The following TAF8 variants were observed in gnomAD, a reference collection of about 807,000 sequenced individuals.
TAF8 encodes TATA-box binding protein associated factor 8.
Under a neutral mutation model 36.5 loss-of-function variants are expected in TAF8, and 47 were observed. The observed-to-expected ratio is 1.29, with a 90% confidence interval of 1.02 to 1.64. TAF8 has a LOEUF of 1.64. Among genes scored for constraint, TAF8 ranks in the 40% most tolerant of loss-of-function variants. TAF8 has a pLI of 0.00. For synonymous variants in TAF8, 175 were observed against 159.5 expected (o/e 1.10, Z -0.73); for missense variants, 420 against 407.6 (o/e 1.03, Z -0.26).
intron 4 of TAF8, among the ~76,000 whole-genome samples, chr6:42,056,826 G>T (rs1287904181): frequency 6.6e-6 from 1 of 152,116 alleles, no homozygotes; most frequent in Non-Finnish European, 1.5e-5. Context: ...AGCTGGTCTC[G>T]AACTCCTGAC....
intron 5 of TAF8, among the ~76,000 whole-genome samples, chr6:42,065,527 C>A (rs557522140): frequency 1.3e-5 from 2 of 152,228 alleles, no homozygotes; most frequent in Admixed American, 6.5e-5. Flanking sequence ...TTGAGGGAAT[C>A]TTTTTGGAAC....
At chr6:42,075,196 G>A (rs1765701659) in intron 7 of TAF8, among the ~76,000 whole-genome samples, 1 of 152,170 alleles carries the variant, frequency 6.6e-6, no homozygotes, top group Non-Finnish European at 1.5e-5. Flanking sequence ...ACTTCAGAAA[G>A]GTTGGATGCC....
At chr6:42,051,005 G>A in intron 1 of TAF8, 2 of 1,086,036 alleles carry the variant, frequency 1.8e-6, no homozygotes, top group South Asian at 3.5e-5. Flanking sequence ...GTGTGAAGAT[G>A]GGAGGCACAA....
intron 7 of TAF8, among the ~76,000 whole-genome samples, chr6:42,072,959 G>A (rs889172350): frequency 1.3e-5 from 2 of 151,932 alleles, no homozygotes; most frequent in South Asian, 2.1e-4. Context: ...TCCCGACCTC[G>A]TGATCCGCCC....
intron 5 of TAF8, 89 bp downstream of exon 5, chr6:42,057,602 C>A: frequency 6.5e-7 from 1 of 1,536,938 alleles, no homozygotes; most frequent in South Asian, 1.2e-5. Flanking sequence ...AGTCCAAAAG[C>A]TTGTTGATGA....
At position 42,080,073 on chromosome 6, in the gene TAF8, A is replaced by G. The variant is rs771732090; in HGVS notation, c.*2528A>G. 2 of 985,282 alleles carry G rather than the reference A, an allele frequency of 2.0e-6. No individual in the cohort carries two copies. The allele number at this position is 985,282 out of a possible 1,614,324, so 61.0% of individuals were successfully genotyped here. Reference sequence around the variant, plus strand: ...TTGTAGTAACGTGAAACTCTCCTAGATCGAAGCAGTTAGACTGGCCTATGT... The same window carrying G: ...TTGTAGTAACGTGAAACTCTCCTAGGTCGAAGCAGTTAGACTGGCCTATGT... On this transcript the variant is annotated 3_prime_UTR_variant, in exon 9 of 9. Transcript: ENST00000372977.
intron 2 of TAF8, among the ~76,000 whole-genome samples, chr6:42,053,575 A>G (rs948184276): frequency 7.7e-4 from 114 of 147,286 alleles, no homozygotes; most frequent in Non-Finnish European, 1.4e-3. Context: ...CAAAAAAAAA[A>G]AAAGAAAAAA....
At chr6:42,054,603 T>C (rs1764910161) in intron 2 of TAF8, among the ~76,000 whole-genome samples, 1 of 152,194 alleles carries the variant, frequency 6.6e-6, no homozygotes, top group Non-Finnish European at 1.5e-5. Flanking sequence ...GCATAATGTT[T>C]TCTTTTTTCT....
At chr6:42,058,220 C>G (rs979624920) in intron 5 of TAF8, among the ~76,000 whole-genome samples, 43 of 152,134 alleles carry the variant, frequency 2.8e-4, no homozygotes, top group African/African-American at 1.0e-3. Flanking sequence ...CCCATCTCTA[C>G]TAAAATTACA....
In TAF8 at chr6:42,080,990, C is replaced by T. The variant is rs905967276; in HGVS notation, c.*3445C>T. On this transcript the variant is annotated 3_prime_UTR_variant, in exon 9 of 9. Transcript: ENST00000372977. ...AGTCAGGCTTAGCCCTTGTGTTGGC[C>T]TAAGCACACCTGGGAACTTAGTAAA... 9.1e-6 allele frequency: 9 copies of T among 984,726 alleles called. No individual in the cohort carries two copies. The highest frequency in any genetic ancestry group is 1.2e-4 in the Admixed American group (2 of 16,286). 61.0% of individuals were successfully genotyped at this position (984,726 alleles called of 1,614,324 possible).
At chr6:42,056,514 CTACTT>C (rs1275337237) in intron 4 of TAF8, among the ~76,000 whole-genome samples, 1 of 152,192 alleles carries the variant, frequency 6.6e-6, no homozygotes, top group African/African-American at 2.4e-5. Flanking sequence ...TTGATGACCT[CTACTT>C]TAAGTAAACC....
rs1168484222 is a variant in TAF8 at position 42,082,055 on chromosome 6, T to A, written c.*4510T>A. On this transcript the variant is annotated 3_prime_UTR_variant, in exon 9 of 9. Transcript: ENST00000372977. Reference sequence around the variant, plus strand: ...CAGTTTCAGTGTACAATGTAGATGGTATATTAGTACAATGCATAGAGCTTA... The same window carrying A: ...CAGTTTCAGTGTACAATGTAGATGGAATATTAGTACAATGCATAGAGCTTA... The A allele has an allele frequency of 1.3e-5, 2 of 152,192 alleles. No homozygotes were observed. Among genetic ancestry groups the A allele is most frequent in the African/African-American group, 2.4e-5 (1 of 41,446 alleles). The allele number at this position is 152,192 out of a possible 1,614,324, so 9.4% of individuals were successfully genotyped here. A position where few individuals can be genotyped will look rare whatever the true frequency, so the allele number is the denominator to read the frequency against.
In TAF8 at chr6:42,051,514, G is replaced by C. The variant is rs1330870258; in HGVS notation, c.202+1G>C. On this transcript the variant is annotated splice_donor_variant, in intron 2 of 8. Coordinates refer to ENST00000372977, the MANE Select transcript of TAF8 (RefSeq NM_138572.3). LOFTEE classifies it high-confidence loss of function. ...ACGCTGACAGAGATGCTGCAGAGCT[G>C]TGAGTACATGGAAACACTTGGCCTT... 1 of 1,613,574 alleles carries C rather than the reference G, an allele frequency of 6.2e-7. No homozygotes were observed. Among genetic ancestry groups the C allele is most frequent in the African/African-American group, 1.3e-5 (1 of 74,940 alleles).
In TAF8 at chr6:42,055,515, T is replaced by G. The variant is rs769385262; in HGVS notation, c.203-16T>G. ...AGGAACTGAGAATAAGTTTTATGCC[T>G]TTAATCCCCTCTTAGACATTTCAGA... On this transcript the variant is annotated splice_polypyrimidine_tract_variant and intron_variant, in intron 2 of 8. Transcript: ENST00000372977. 2 of 1,586,128 alleles carry G rather than the reference T, an allele frequency of 1.3e-6. No individual in the cohort carries two copies. The highest frequency in any genetic ancestry group is 3.3e-5 in the Admixed American group (2 of 59,888).
chr6:42,055,894 C>A, intron 3 of TAF8, 58 bp from the exon 4 acceptor site: 2 of 1,146,214 alleles, frequency 1.7e-6, no homozygotes, highest in Non-Finnish European at 2.6e-6. Flanking sequence ...TACTACTATT[C>A]TTTCTGTATT....
chr6:42,083,720 A>C (rs1470790920), downstream of TAF8, among the ~76,000 whole-genome samples: 1 of 152,146 alleles, frequency 6.6e-6, no homozygotes, highest in African/African-American at 2.4e-5. Flanking sequence ...AGAGGAGGGA[A>C]CACAATCTCT....
At position 42,079,795 on chromosome 6, in the gene TAF8, C is replaced by T. The variant is rs1357226712; in HGVS notation, c.*2250C>T. 1.1e-6 allele frequency: 1 copy of T among 947,858 alleles called. No individual in the cohort carries two copies. The highest frequency in any genetic ancestry group is 1.3e-6 in the Non-Finnish European group (1 of 796,598). 58.7% of individuals were successfully genotyped at this position (947,858 alleles called of 1,614,324 possible). On this transcript the variant is annotated 3_prime_UTR_variant, in exon 9 of 9. Coordinates refer to ENST00000372977, the MANE Select transcript of TAF8 (RefSeq NM_138572.3). ...TCTTGAACTCCTGGCCTCAAGTGAT[C>T]CACCCGCCTTGGCCTTCCAAAGTGT...
intron 5 of TAF8, chr6:42,057,905 CCTA>C (rs1412912078): frequency 4.5e-6 from 1 of 223,496 alleles, no homozygotes; most frequent in Non-Finnish European, 8.7e-6. Context: ...TATTGCCTGT[CCTA>C]CTAAAACACA....
intron 7 of TAF8, among the ~76,000 whole-genome samples, chr6:42,076,062 G>A (rs1178524457): frequency 6.6e-6 from 1 of 152,084 alleles, no homozygotes. Flanking sequence ...AAAAAACTTA[G>A]CGGGATGTGG....
Sources: gnomAD v4.1 joint callset for allele counts (sites outside exome capture counted in the v4.1 genomes callset) on GRCh38, gnomAD v4.1.1 for gene constraint, MANE v1.5 for transcripts, NCBI Gene and HGNC (gene_info 2026-07-23, HGNC 2026-07-21) for gene names.